NBAS: variants seen among roughly 807,000 people sequenced by gnomAD.
NBAS encodes NAG/BC035112 fusion.
A neutral mutation model predicts 302.5 loss-of-function variants in NBAS; 219 were observed. That is an observed-to-expected ratio of 0.72 (90% CI 0.65 to 0.81). The LOEUF (loss-of-function observed/expected upper bound fraction) is 0.81. Among genes scored for constraint, NBAS ranks in the 30% least tolerant of loss-of-function variants. The probability of loss-of-function intolerance (pLI) is 0.00; values close to 1 mark genes in which losing one functional copy is unlikely to be tolerated. For missense variants in NBAS, 2,932 were observed against 2,841.6 expected (o/e 1.03, Z -0.72); for synonymous variants, 1,118 against 1,021.6 (o/e 1.09, Z -1.80).
At chr2:15,053,662 G>T in the NBAS span, among the ~76,000 whole-genome samples, 1 of 152,018 alleles carries the variant, frequency 6.6e-6, no homozygotes. Flanking sequence ...GACCCGGGGG[G>T]ATCTCGGGGT....
At chr2:15,427,003 A>T (rs2148483318) in intron 22 of NBAS, among the ~76,000 whole-genome samples, 1 of 152,292 alleles carries the variant, frequency 6.6e-6, no homozygotes, top group East Asian at 1.9e-4. Context: ...AGGAAAGCAG[A>T]GTTTGGACAT....
the NBAS span, among the ~76,000 whole-genome samples, chr2:15,106,451 G>GTC: frequency 0.013 from 1,952 of 147,926 alleles, 28 homozygotes; most frequent in African/African-American, 0.04. Context: ...CTCTGTCTCT[G>GTC]TCTCTCTCTC....
At chr2:15,425,573 C>T (rs939088905) in intron 22 of NBAS, among the ~76,000 whole-genome samples, 3 of 152,122 alleles carry the variant, frequency 2.0e-5, no homozygotes, top group African/African-American at 7.2e-5. Context: ...TACCCAAATG[C>T]CTTTGACAAC....
At chr2:15,504,089 T>A (rs1488519975) in intron 11 of NBAS, 56 bp downstream of exon 11, 1 of 1,401,584 alleles carries the variant, frequency 7.1e-7, no homozygotes, top group Admixed American at 1.7e-5. Context: ...ACCTTAAAGG[T>A]ACTTCAGGGT....
intron 21 of NBAS, among the ~76,000 whole-genome samples, chr2:15,454,745 TG>T (rs1679171820): frequency 6.6e-6 from 1 of 152,146 alleles, no homozygotes; most frequent in Non-Finnish European, 1.5e-5. Context: ...ATCAAATTTC[TG>T]ATCACCCTCC....
At chr2:15,257,273 G>C (rs977098493) in intron 44 of NBAS, among the ~76,000 whole-genome samples, 4 of 152,118 alleles carry the variant, frequency 2.6e-5, no homozygotes, top group African/African-American at 9.6e-5. Context: ...ATTTAATCTA[G>C]GATATTTCCA....
the NBAS span, among the ~76,000 whole-genome samples, chr2:14,818,191 C>G: frequency 4.6e-5 from 7 of 152,142 alleles, no homozygotes; most frequent in South Asian, 1.5e-3. Context: ...TTAGAAATCA[C>G]CTCCTACTTC....
At chr2:14,818,658 C>G in the NBAS span, among the ~76,000 whole-genome samples, 6 of 152,208 alleles carry the variant, frequency 3.9e-5, no homozygotes, top group African/African-American at 1.4e-4. Flanking sequence ...TTGCGACAGT[C>G]CTTACCGTGT....
At chr2:15,416,369 G>T (rs766482201) in intron 24 of NBAS, among the ~76,000 whole-genome samples, 1 of 152,010 alleles carries the variant, frequency 6.6e-6, no homozygotes, top group East Asian at 1.9e-4. Context: ...TTACACAATC[G>T]TTTCTCTTAA....
In NBAS at chr2:15,366,644, C is replaced by G. The variant is rs770988818; in HGVS notation, c.3753G>C (p.Gln1251His). The G allele has an allele frequency of 6.2e-7, 1 of 1,613,956 alleles. No individual in the cohort carries two copies. Among genetic ancestry groups the G allele is most frequent in the African/African-American group, 1.3e-5 (1 of 74,892 alleles). Residue 1251 changes from glutamine (Q) to histidine (H), a missense_variant, in exon 32 of 52, where the codon CAG becomes CAC. Physicochemically the swap from Gln to His is conservative, Grantham distance 24 (BLOSUM62 0). Transcript: ENST00000281513. ...RISLIKECIS[Q>H]SPTCYKQSTK... ...TGGATTGTTTATAGCATGTGGGGGA[C>G]TGGGAAATACACTCCTTGATGAGAC...
At chr2:15,014,307 T>A in the NBAS span, among the ~76,000 whole-genome samples, 7 of 152,138 alleles carry the variant, frequency 4.6e-5, no homozygotes, top group Non-Finnish European at 1.5e-5. Context: ...TAACAGACAT[T>A]TGCAGAATAT....
chr2:15,033,030 T>G, the NBAS span, among the ~76,000 whole-genome samples: 1 of 152,108 alleles, frequency 6.6e-6, no homozygotes, highest in Non-Finnish European at 1.5e-5. Flanking sequence ...TTGACTACTA[T>G]CCAGCAGAAC....
chr2:15,425,092 G>C (rs190085828), intron 22 of NBAS, among the ~76,000 whole-genome samples: 7 of 151,990 alleles, frequency 4.6e-5, no homozygotes, highest in Non-Finnish European at 1.0e-4. Flanking sequence ...GGCTAACCTC[G>C]TGGGGATTGC....
At chr2:15,453,787 CTTTTTTT>C (rs201822394) in intron 21 of NBAS, among the ~76,000 whole-genome samples, 1 of 148,594 alleles carries the variant, frequency 6.7e-6, no homozygotes, top group African/African-American at 2.5e-5. Flanking sequence ...TTTCTTTTTT[CTTTTTTT>C]TTTGAGACAG....
At chr2:15,265,838 A>G (rs1436594018) in intron 44 of NBAS, among the ~76,000 whole-genome samples, 1 of 152,196 alleles carries the variant, frequency 6.6e-6, no homozygotes, top group Non-Finnish European at 1.5e-5. Context: ...GCAAGAGGAG[A>G]GCAAAAAGTG....
chr2:15,474,001 ACT>A, intron 15 of NBAS, 64 bp downstream of exon 15: 3 of 1,594,114 alleles, frequency 1.9e-6, no homozygotes, highest in Admixed American at 1.7e-5. Flanking sequence ...TAAAAAATTA[ACT>A]TTTTCTCAAT....
the NBAS span, among the ~76,000 whole-genome samples, chr2:15,045,330 A>G: frequency 6.6e-6 from 1 of 152,212 alleles, no homozygotes; most frequent in Non-Finnish European, 1.5e-5. Context: ...AAGCACAGAG[A>G]TAGAAGCCAT....
intron 45 of NBAS, among the ~76,000 whole-genome samples, chr2:15,235,963 G>T (rs553586360): frequency 2.0e-4 from 31 of 152,268 alleles, no homozygotes; most frequent in Non-Finnish European, 4.0e-4. Context: ...GCTTCATGAG[G>T]ATATAAGTTT....
chr2:14,855,997 C>T, the NBAS span, among the ~76,000 whole-genome samples: 2 of 152,184 alleles, frequency 1.3e-5, no homozygotes, highest in Non-Finnish European at 2.9e-5. Context: ...CGGCCTGACC[C>T]AGTGCAGCCA....
Sources: allele counts gnomAD v4.1 joint callset (sites outside exome capture counted in the v4.1 genomes callset), GRCh38; gene constraint gnomAD v4.1.1; transcripts MANE v1.5; gene names NCBI Gene and HGNC (gene_info 2026-07-23, HGNC 2026-07-21).